Variants in MARCHF4 observed in about 807,000 individuals in gnomAD.
The protein encoded by MARCHF4 is membrane associated ring-CH-type finger 4.
A neutral mutation model predicts 43.9 loss-of-function variants in MARCHF4; 14 were observed. The ratio of observed to expected loss-of-function variants is 0.32; its 90% CI spans 0.21 to 0.50. The LOEUF (loss-of-function observed/expected upper bound fraction) is 0.50. Ranked by LOEUF, MARCHF4 falls within the 20% of genes least tolerant of loss-of-function variation. MARCHF4 has a pLI of 0.98. For missense variants in MARCHF4, 468 were observed against 536.7 expected, an observed-to-expected ratio of 0.87 and a Z score of 1.27; for synonymous variants, 226 against 213.3, an observed-to-expected ratio of 1.06 and a Z score of -0.52.
intron 2 of MARCHF4, among the ~76,000 whole-genome samples, chr2:216,281,939 C>T (rs1402349095): frequency 6.6e-6 from 1 of 152,226 alleles, no homozygotes; most frequent in East Asian, 1.9e-4. Context: ...TCCCTAAATG[C>T]ATTTTCACTT....
intron 1 of MARCHF4, among the ~76,000 whole-genome samples, chr2:216,361,018 A>G (rs1692568685): frequency 6.6e-6 from 1 of 152,122 alleles, no homozygotes; most frequent in South Asian, 2.1e-4. Context: ...CAGGGAGTAC[A>G]TGGGAACTCT....
intron 1 of MARCHF4, among the ~76,000 whole-genome samples, chr2:216,296,421 C>T (rs1400632265): frequency 6.6e-6 from 1 of 152,178 alleles, no homozygotes; most frequent in Non-Finnish European, 1.5e-5. Flanking sequence ...TTCCTAAGGA[C>T]TCACCCCTCC....
chr2:216,362,448 G>T (rs1034085838), intron 1 of MARCHF4, among the ~76,000 whole-genome samples: 1 of 152,126 alleles, frequency 6.6e-6, no homozygotes, highest in Non-Finnish European at 1.5e-5. Flanking sequence ...GCTTCAAGAG[G>T]GTTCTTTCAG....
chr2:216,273,028 G>A (rs1690963881), intron 3 of MARCHF4, among the ~76,000 whole-genome samples: 1 of 152,214 alleles, frequency 6.6e-6, no homozygotes. Flanking sequence ...GATGGATACA[G>A]CTGTGGATGG....
intron 1 of MARCHF4, among the ~76,000 whole-genome samples, chr2:216,314,559 G>A (rs1691741873): frequency 6.6e-6 from 1 of 151,538 alleles, no homozygotes; most frequent in Admixed American, 6.6e-5. Context: ...CTGGCCTTAA[G>A]TGATCCACCT....
intron 1 of MARCHF4, among the ~76,000 whole-genome samples, chr2:216,353,469 A>G (rs977309486): frequency 6.6e-6 from 1 of 152,246 alleles, no homozygotes; most frequent in African/African-American, 2.4e-5. Context: ...TTTCTAGTCT[A>G]AGAATAGGAA....
chr2:216,282,947 C>G (rs1336729068), intron 2 of MARCHF4, among the ~76,000 whole-genome samples: 2 of 152,048 alleles, frequency 1.3e-5, no homozygotes, highest in African/African-American at 4.8e-5. Flanking sequence ...GGTCTCTGAA[C>G]CAGAAGCATC....
In MARCHF4 at chr2:216,286,022, C is replaced by G. The variant is rs146471319; in HGVS notation, c.517-2293G>C. Among the ~76,000 whole-genome samples, 259 of 152,262 alleles carry G rather than the reference C, an allele frequency of 1.7e-3. 4 individuals are homozygous for G. The East Asian group carries it at 0.031, about 18-fold the overall frequency. ...CACAGCTGATAACAAGACCCGGGCT[C>G]TGGTTGTGGGACCATTGGGGCTCAT... On this transcript the variant is annotated intron_variant, in intron 1 of 3. Coordinates refer to ENST00000273067, the MANE Select transcript of MARCHF4 (RefSeq NM_020814.3).
At chr2:216,276,149 T>C (rs569578048) in intron 3 of MARCHF4, among the ~76,000 whole-genome samples, 3 of 152,258 alleles carry the variant, frequency 2.0e-5, no homozygotes, top group Admixed American at 6.5e-5. Context: ...GCATGTCTTA[T>C]AGGACACATC....
intron 1 of MARCHF4, among the ~76,000 whole-genome samples, chr2:216,333,988 C>T (rs2105970855): frequency 6.6e-6 from 1 of 150,920 alleles, no homozygotes; most frequent in South Asian, 2.1e-4. Context: ...AGAATGATAC[C>T]TAATGTTGGC....
intron 1 of MARCHF4, among the ~76,000 whole-genome samples, chr2:216,356,876 A>T (rs1692511075): frequency 6.6e-6 from 1 of 152,144 alleles, no homozygotes; most frequent in South Asian, 2.1e-4. Context: ...TATAAAAATT[A>T]GCTGGGCGTG....
At chr2:216,282,062 A>C (rs1289817767) in intron 2 of MARCHF4, among the ~76,000 whole-genome samples, 1 of 152,136 alleles carries the variant, frequency 6.6e-6, no homozygotes, top group Non-Finnish European at 1.5e-5. Context: ...GGGTTAATGC[A>C]TTCAGACCCC....
chr2:216,304,932 C>G (rs998593141), intron 1 of MARCHF4, among the ~76,000 whole-genome samples: 1 of 151,948 alleles, frequency 6.6e-6, no homozygotes, highest in Non-Finnish European at 1.5e-5. Flanking sequence ...CCAGTCTGGG[C>G]AACACAGTGA....
chr2:216,316,675 C>G, intron 1 of MARCHF4, among the ~76,000 whole-genome samples: 1 of 152,100 alleles, frequency 6.6e-6, no homozygotes, highest in East Asian at 1.9e-4. Flanking sequence ...TGTCAAGGTA[C>G]TAAGTAAAAA....
intron 1 of MARCHF4, among the ~76,000 whole-genome samples, chr2:216,359,514 G>C (rs1197047955): frequency 1.3e-5 from 2 of 152,160 alleles, no homozygotes; most frequent in Non-Finnish European, 1.5e-5. Context: ...TCACCCACCA[G>C]GAGGTTGCCT....
At chr2:216,268,239 C>T (rs996787523) in intron 3 of MARCHF4, among the ~76,000 whole-genome samples, 10 of 152,152 alleles carry the variant, frequency 6.6e-5, no homozygotes, top group African/African-American at 2.2e-4. Flanking sequence ...TCGGTTTCAC[C>T]CCTCTCATTT....
At chr2:216,319,678 G>A (rs189831269) in intron 1 of MARCHF4, among the ~76,000 whole-genome samples, 1 of 152,268 alleles carries the variant, frequency 6.6e-6, no homozygotes, top group East Asian at 1.9e-4. Flanking sequence ...AACATAATAA[G>A]CCTCTTCTTT....
In MARCHF4 at chr2:216,258,179, T is replaced by C. The variant is rs1213655573; in HGVS notation, c.*1133A>G. On this transcript the variant is annotated 3_prime_UTR_variant, in exon 4 of 4. Coordinates refer to ENST00000273067, the MANE Select transcript of MARCHF4 (RefSeq NM_020814.3). ...ACTGAGCATCAGCCTGACTGCCTCT[T>C]TGGGGAGGGTTCCAAACAGGGAGGG... The C allele has an allele frequency of 6.6e-6, 1 of 152,040 alleles. No homozygotes were observed. The highest frequency in any genetic ancestry group is 1.5e-5 in the Non-Finnish European group (1 of 68,122). The allele number at this position is 152,040 out of a possible 1,614,324, so 9.4% of individuals were successfully genotyped here.
chr2:216,346,203 G>T (rs902873099), intron 1 of MARCHF4, among the ~76,000 whole-genome samples: 2 of 152,150 alleles, frequency 1.3e-5, no homozygotes, highest in African/African-American at 4.8e-5. Flanking sequence ...AACTAGAATA[G>T]TTGGTCATTC....
Sources: gnomAD v4.1 joint callset for allele counts (sites outside exome capture counted in the v4.1 genomes callset) on GRCh38, gnomAD v4.1.1 for gene constraint, MANE v1.5 for transcripts, NCBI Gene and HGNC (gene_info 2026-07-23, HGNC 2026-07-21) for gene names.